The following HDAC4 variants were observed in gnomAD, a reference collection of about 807,000 sequenced individuals.
HDAC4 encodes the protein histone deacetylase 4, also known as histone deacetylase A.
A neutral mutation model predicts 135.1 loss-of-function variants in HDAC4; 16 were observed. The ratio of observed to expected loss-of-function variants is 0.12; its 90% CI spans 0.08 to 0.18. The LOEUF (loss-of-function observed/expected upper bound fraction) is 0.18, where lower values mean the gene tolerates loss of function less well. HDAC4 is among the 10% of genes least tolerant of loss of function. HDAC4 has a pLI of 1.00. For synonymous variants in HDAC4, 685 were observed against 653.4 expected (o/e 1.05, Z -0.74); for missense variants, 1,143 against 1,511.8 (o/e 0.76, Z 4.05).
intron 2 of HDAC4, among the ~76,000 whole-genome samples, chr2:239,279,376 A>C (rs1161751000): frequency 6.6e-6 from 1 of 152,240 alleles, no homozygotes; most frequent in Admixed American, 6.5e-5. Context: ...CAGCCTTATA[A>C]TAAACTCATG....
chr2:239,283,524 CA>C (rs1226857074), intron 2 of HDAC4, among the ~76,000 whole-genome samples: 1 of 152,234 alleles, frequency 6.6e-6, no homozygotes, highest in Admixed American at 6.5e-5. Flanking sequence ...GGGGCCTGAC[CA>C]CACCTGGGCG....
chr2:239,140,585 G>C (rs2041294150), intron 8 of HDAC4, among the ~76,000 whole-genome samples: 1 of 152,064 alleles, frequency 6.6e-6, no homozygotes, highest in South Asian at 2.1e-4. Flanking sequence ...GCATCATCTG[G>C]TTAAAGCTTT....
intron 5 of HDAC4, among the ~76,000 whole-genome samples, chr2:239,173,039 G>A (rs1044803084): frequency 6.6e-6 from 1 of 152,128 alleles, no homozygotes; most frequent in African/African-American, 2.4e-5. Flanking sequence ...AAATCTTAGG[G>A]TTAAGATGGC....
intron 1 of HDAC4, among the ~76,000 whole-genome samples, chr2:239,369,708 G>C (rs1218605952): frequency 6.6e-6 from 1 of 152,146 alleles, no homozygotes; most frequent in Non-Finnish European, 1.5e-5. Flanking sequence ...ACAGCGCCTC[G>C]GAAGCCAGGT....
rs2033845143 is a variant in HDAC4, at chr2:239,068,707, GCAC to G, written c.2751-103_2751-101del. 9 of 1,024,452 alleles carry G rather than the reference GCAC, an allele frequency of 8.8e-6. No homozygotes were observed. The highest frequency in any genetic ancestry group is 1.4e-5 in the Non-Finnish European group (9 of 648,148). 63.5% of individuals were successfully genotyped at this position (1,024,452 alleles called of 1,614,324 possible). On this transcript the variant is annotated intron_variant, in intron 22 of 26. Coordinates refer to ENST00000543185, the MANE Select transcript of HDAC4 (RefSeq NM_001378414.1). This position sits in a 1 kb window ranked among gnomAD's most constrained non-coding sequence, Gnocchi z 4.4. Reference sequence around the variant, plus strand: ...CTCTGGCATTGATAATGCCTGCCCCGCACCCCCTCGGCCACTGGCGGGCTGAGG... The same window carrying G: ...CTCTGGCATTGATAATGCCTGCCCCGCCCCTCGGCCACTGGCGGGCTGAGG...
chr2:239,279,018 C>G (rs1195300346), intron 2 of HDAC4, among the ~76,000 whole-genome samples: 1 of 152,182 alleles, frequency 6.6e-6, no homozygotes, highest in East Asian at 1.9e-4. Context: ...GACTGAAAAA[C>G]CAGAAAGAAA....
At chr2:239,161,104 G>A (rs759668965) in intron 6 of HDAC4, among the ~76,000 whole-genome samples, 49 of 152,256 alleles carry the variant, frequency 3.2e-4, no homozygotes, top group South Asian at 2.3e-3. Flanking sequence ...TGAGGTACCT[G>A]TTCAAACCTT....
intron 20 of HDAC4, among the ~76,000 whole-genome samples, chr2:239,083,326 A>T (rs1317644469): frequency 6.6e-6 from 1 of 152,188 alleles, no homozygotes; most frequent in African/African-American, 2.4e-5. Context: ...GGAGGAGCTG[A>T]GGGAGGGCTC....
At chr2:239,347,659 C>T (rs1490685656) in intron 2 of HDAC4, among the ~76,000 whole-genome samples, 16 of 152,200 alleles carry the variant, frequency 1.1e-4, no homozygotes, top group South Asian at 1.0e-3. Flanking sequence ...GGACTACAGG[C>T]GCGTGCCACC....
At chr2:239,079,901 C>T (rs534718781) in intron 22 of HDAC4, among the ~76,000 whole-genome samples, 4 of 152,140 alleles carry the variant, frequency 2.6e-5, no homozygotes, top group African/African-American at 9.7e-5. Flanking sequence ...GAGATATGCA[C>T]ACACACGTAT....
rs1191349153 is a variant in HDAC4, at chr2:239,090,105, G to A, written c.2292C>T (p.Asp764=). The change falls in exon 18 of 27, where the codon GAC becomes GAT. Residue 764 remains aspartate (D), a synonymous_variant. Coordinates refer to ENST00000543185, the MANE Select transcript of HDAC4 (RefSeq NM_001378414.1). ...LPCGGVGVDS[D]TIWNEVHSAG... ...CCGAGTGCACCTCGTTCCATATGGT[G>A]TCACTGTCCACCTGTGGAAACAACA... 1.2e-6 allele frequency: 2 copies of A among 1,612,712 alleles called. No homozygotes were observed. Among genetic ancestry groups the A allele is most frequent in the East Asian group, 4.5e-5 (2 of 44,868 alleles).
chr2:239,320,447 G>A (rs1237590672), intron 2 of HDAC4, among the ~76,000 whole-genome samples: 2 of 149,148 alleles, frequency 1.3e-5, no homozygotes, highest in African/African-American at 5.0e-5. Context: ...GAATTATAGA[G>A]AATGGAATGC....
At chr2:239,198,347 C>T (rs1026952348) in intron 3 of HDAC4, among the ~76,000 whole-genome samples, 27 of 152,126 alleles carry the variant, frequency 1.8e-4, no homozygotes, top group African/African-American at 6.3e-4. Context: ...ATCAGGAACC[C>T]CCTGGCTCAG....
In HDAC4 at chr2:239,141,370, G is replaced by C. The variant is rs1051183694; in HGVS notation, c.866-1574C>G. The stretch of plus-strand genomic sequence containing the variant: ...GAGTGTGGGGTCAGCTCACTGTCCT[G>C]GGCATTGAGCATGAATACAGGACTG... On this transcript the variant is annotated intron_variant, in intron 8 of 26. Coordinates refer to ENST00000543185, the MANE Select transcript of HDAC4 (RefSeq NM_001378414.1). This position sits in a 1 kb window ranked among gnomAD's most constrained non-coding sequence, Gnocchi z 4.9. Among the ~76,000 whole-genome samples, 2 of 152,142 alleles carry C rather than the reference G, an allele frequency of 1.3e-5. No individual in the cohort carries two copies. Among genetic ancestry groups the C allele is most frequent in the Admixed American group, 1.3e-4 (2 of 15,280 alleles).
At chr2:239,347,914 T>C (rs557400755) in intron 2 of HDAC4, among the ~76,000 whole-genome samples, 50 of 151,742 alleles carry the variant, frequency 3.3e-4, no homozygotes, top group African/African-American at 1.2e-3. Context: ...TCAACCAGCT[T>C]CCTATCGAGA....
intron 3 of HDAC4, among the ~76,000 whole-genome samples, chr2:239,209,965 G>A (rs989217819): frequency 5.3e-5 from 8 of 152,160 alleles, no homozygotes; most frequent in South Asian, 2.1e-4. Context: ...ACCCAACTAC[G>A]GGTGGAGAGG....
chr2:239,144,498 CAGA>C, intron 8 of HDAC4, 82 bp downstream of exon 8: 1 of 1,577,340 alleles, frequency 6.3e-7, no homozygotes, highest in African/African-American at 1.3e-5. Context: ...CGTGGGTTTT[CAGA>C]AGCTCCTGAG....
chr2:239,164,571 C>A (rs573100150), intron 5 of HDAC4, among the ~76,000 whole-genome samples: 2 of 152,352 alleles, frequency 1.3e-5, no homozygotes, highest in South Asian at 4.1e-4. Context: ...ACTCTCACCG[C>A]CTGAACACAA....
In HDAC4 at chr2:239,081,337, A is replaced by G. The variant is rs184856016; in HGVS notation, c.2653-145T>C. 4.3e-5 allele frequency: 31 copies of G among 715,428 alleles called. 1 individual carries two copies. In the Admixed American group the frequency reaches 6.0e-4, roughly 14 times the overall value. The allele number at this position is 715,428 out of a possible 1,614,324, so 44.3% of individuals were successfully genotyped here. A position where few individuals can be genotyped will look rare whatever the true frequency, so the allele number is the denominator to read the frequency against. ...CACGTGTCCTGATCTCCTGGTGCAT[A>G]TTCATTAAGACGCGTGTGAAGGGGC... On this transcript the variant is annotated intron_variant, in intron 21 of 26. Coordinates refer to ENST00000543185, the MANE Select transcript of HDAC4 (RefSeq NM_001378414.1).
Sources: gnomAD v4.1 joint callset for allele counts (sites outside exome capture counted in the v4.1 genomes callset) on GRCh38, gnomAD v4.1.1 for gene constraint, Gnocchi (gnomAD v3.1) non-coding constraint, MANE v1.5 for transcripts, NCBI Gene and HGNC (gene_info 2026-07-23, HGNC 2026-07-21) for gene names.